The following SORCS2 variants were observed in gnomAD, a reference collection of about 807,000 sequenced individuals.
SORCS2 encodes the protein VPS10 domain-containing receptor SorCS2.
A neutral mutation model predicts 141.6 loss-of-function variants in SORCS2; 100 were observed. That is an observed-to-expected ratio of 0.71 (90% confidence interval 0.60 to 0.83). SORCS2 has a LOEUF of 0.83. Ranked by LOEUF, SORCS2 falls within the 40% of genes least tolerant of loss-of-function variation. The probability of loss-of-function intolerance (pLI) is 0.00; values close to 1 mark genes in which losing one functional copy is unlikely to be tolerated. For missense variants in SORCS2, 1,646 were observed against 1,560.2 expected, an observed-to-expected ratio of 1.05 and a Z score of -0.93; for synonymous variants, 789 against 676.9, an observed-to-expected ratio of 1.17 and a Z score of -2.57.
chr4:7,540,770 C>T (rs1712577337), intron 3 of SORCS2, among the ~76,000 whole-genome samples: 3 of 152,318 alleles, frequency 2.0e-5, no homozygotes, highest in Middle Eastern at 3.4e-3. Flanking sequence ...TCCTGGCTTT[C>T]CGACCCCCCT....
At chr4:7,726,188 G>A (rs1727208207) in intron 20 of SORCS2, among the ~76,000 whole-genome samples, 1 of 152,214 alleles carries the variant, frequency 6.6e-6, no homozygotes, top group African/African-American at 2.4e-5. Context: ...AGCTGCGGTG[G>A]CCATGTGTGG....
intron 3 of SORCS2, among the ~76,000 whole-genome samples, chr4:7,600,131 A>G (rs1353309597): frequency 1.3e-5 from 2 of 152,098 alleles, no homozygotes; most frequent in African/African-American, 2.4e-5. Context: ...CTGGTGGAGT[A>G]GGTTTTCTAA....
intron 3 of SORCS2, among the ~76,000 whole-genome samples, chr4:7,559,008 C>A (rs999768842): frequency 2.0e-5 from 3 of 152,214 alleles, no homozygotes; most frequent in African/African-American, 7.2e-5. Flanking sequence ...CTCAGCATTC[C>A]TGGTCTTCTC....
intron 8 of SORCS2, among the ~76,000 whole-genome samples, chr4:7,669,327 G>T (rs1441999059): frequency 6.6e-6 from 1 of 152,210 alleles, no homozygotes; most frequent in African/African-American, 2.4e-5. Flanking sequence ...ACAGGACCCA[G>T]TGACCAGCAG....
chr4:7,207,202 G>A (rs777753378), intron 1 of SORCS2, among the ~76,000 whole-genome samples: 47 of 152,162 alleles, frequency 3.1e-4, no homozygotes, highest in Non-Finnish European at 6.9e-4. Flanking sequence ...GTCCACATGT[G>A]GGGCCTCGCT....
intron 1 of SORCS2, among the ~76,000 whole-genome samples, chr4:7,215,854 A>T (rs1343386270): frequency 3.9e-5 from 6 of 152,094 alleles, no homozygotes; most frequent in African/African-American, 1.4e-4. Flanking sequence ...GGGATTGTAA[A>T]CGCACCAATC....
rs190892391 is a variant in SORCS2, at chr4:7,459,579, C to T, written c.548+63224C>T. ...ATGATGATGCCACGATGCCTGGCCCCGGGAAGTGAGGCAGCCGCCTCTCAG... is the reference window on the plus strand; with the variant it reads ...ATGATGATGCCACGATGCCTGGCCCTGGGAAGTGAGGCAGCCGCCTCTCAG... On this transcript the variant is annotated intron_variant, in intron 2 of 26. Coordinates refer to ENST00000507866, the MANE Select transcript of SORCS2 (RefSeq NM_020777.3). Among the ~76,000 whole-genome samples, 200 of 152,296 alleles carry T rather than the reference C, an allele frequency of 1.3e-3. 1 individual carries two copies. The highest frequency in any genetic ancestry group is 4.5e-3 in the African/African-American group (189 of 41,572).
chr4:7,348,651 A>G (rs1720771472), intron 1 of SORCS2, among the ~76,000 whole-genome samples: 1 of 152,198 alleles, frequency 6.6e-6, no homozygotes, highest in South Asian at 2.1e-4. Context: ...TCCTGGGTTC[A>G]AGAGATTCTC....
chr4:7,303,799 C>T (rs1322348476), intron 1 of SORCS2, among the ~76,000 whole-genome samples: 1 of 152,340 alleles, frequency 6.6e-6, no homozygotes, highest in South Asian at 2.1e-4. Context: ...ACGCAGACCT[C>T]GGCGCGTCTC....
At chr4:7,408,264 C>T (rs989703806) in intron 2 of SORCS2, among the ~76,000 whole-genome samples, 12 of 151,974 alleles carry the variant, frequency 7.9e-5, no homozygotes, top group African/African-American at 2.9e-4. Context: ...TCCCTTTAAC[C>T]TTTCTTCTAA....
chr4:7,202,104 C>T (rs558919264), intron 1 of SORCS2, among the ~76,000 whole-genome samples: 1 of 152,308 alleles, frequency 6.6e-6, no homozygotes, highest in African/African-American at 2.4e-5. Context: ...TCCCCGCTCC[C>T]AGCAGGTTCC....
intron 2 of SORCS2, among the ~76,000 whole-genome samples, chr4:7,486,583 C>T (rs1277645917): frequency 6.6e-6 from 1 of 152,218 alleles, no homozygotes; most frequent in African/African-American, 2.4e-5. Context: ...CCGGGGCTGC[C>T]AGAACAGATG....
chr4:7,210,824 G>A (rs878973090), intron 1 of SORCS2, among the ~76,000 whole-genome samples: 1 of 152,230 alleles, frequency 6.6e-6, no homozygotes, highest in Non-Finnish European at 1.5e-5. Flanking sequence ...CAGGAAGGAG[G>A]CCCAGTCATC....
At chr4:7,385,050 G>A (rs917263996) in intron 1 of SORCS2, among the ~76,000 whole-genome samples, 2 of 152,206 alleles carry the variant, frequency 1.3e-5, no homozygotes, top group Non-Finnish European at 2.9e-5. Context: ...CAAGCTTGGA[G>A]AATCCAGGAG....
rs772930061 is a variant in SORCS2 at position 7,718,034 on chromosome 4, G to A, written c.2275G>A (p.Val759Met). ...SLGYRKVVSN[V>M]CEGGVDMQQS... is the part of the protein sequence containing the mutation. ...CAGGTACCGGAAAGTGGTGTCCAAC[G>A]TGTGTGAGGGTGGGGTGGACATGCA... is the stretch of plus-strand genomic sequence containing the variant. The change falls in exon 18 of 27, where the codon GTG (valine) becomes ATG (methionine). Residue 759 changes from valine (V) to methionine (M), a missense_variant. Coordinates refer to ENST00000507866, the MANE Select transcript of SORCS2 (RefSeq NM_020777.3). 61 of 1,606,696 alleles carry A rather than the reference G, an allele frequency of 3.8e-5. No homozygotes were observed. Among genetic ancestry groups the A allele is most frequent in the Middle Eastern group, 3.3e-4 (2 of 6,056 alleles).
chr4:7,481,083 G>A (rs952744232), intron 2 of SORCS2, among the ~76,000 whole-genome samples: 6 of 152,232 alleles, frequency 3.9e-5, no homozygotes, highest in Non-Finnish European at 8.8e-5. Context: ...AGCCCTAAGA[G>A]GCATTCTAGT....
chr4:7,250,269 A>AAGAAAGAAAG (rs1330857569), intron 1 of SORCS2, among the ~76,000 whole-genome samples: 2 of 151,916 alleles, frequency 1.3e-5, no homozygotes, highest in African/African-American at 4.8e-5. Context: ...GAAAGAAAGA[A>AAGAAAGAAAG]AGAAGGTGAA....
At chr4:7,657,782 C>G (rs62650547) in intron 5 of SORCS2, among the ~76,000 whole-genome samples, 3,175 of 138,112 alleles carry the variant, frequency 0.023, 50 homozygotes, top group Non-Finnish European at 0.037. Context: ...GAGTCTGTGA[C>G]TGGGTGAGTG....
intron 1 of SORCS2, among the ~76,000 whole-genome samples, chr4:7,327,801 C>T (rs1719370341): frequency 6.6e-6 from 1 of 151,892 alleles, no homozygotes; most frequent in South Asian, 2.1e-4. Context: ...GCTTGTGTGA[C>T]CGCCCCCCCC....
Sources: allele counts gnomAD v4.1 joint callset (sites outside exome capture counted in the v4.1 genomes callset), GRCh38; gene constraint gnomAD v4.1.1; transcripts MANE v1.5; gene names NCBI Gene and HGNC (gene_info 2026-07-23, HGNC 2026-07-21).